The following DECR1 variants were observed in gnomAD, a reference collection of about 807,000 sequenced individuals.
The protein encoded by DECR1 is 2,4-dienoyl-CoA reductase [(3E)-enoyl-CoA-producing], mitochondrial.
Under a neutral mutation model 38.8 loss-of-function variants are expected in DECR1, and 44 were observed. The observed-to-expected ratio is 1.13, with a 90% CI of 0.89 to 1.46. The LOEUF (loss-of-function observed/expected upper bound fraction) is 1.46. Ranked by LOEUF, DECR1 falls within the 40% of genes most tolerant of loss-of-function variation. DECR1 has a pLI of 0.00. For missense variants in DECR1, 428 were observed against 405.5 expected (o/e 1.06, Z -0.48); for synonymous variants, 148 against 135.2 (o/e 1.09, Z -0.66).
In DECR1 at chr8:90,045,659, C is replaced by T. The variant is rs1400804678; in HGVS notation, c.885+664C>T. Among the ~76,000 whole-genome samples the T allele has an allele frequency of 2.6e-5, 4 of 152,216 alleles. No homozygotes were observed. In the East Asian group the frequency reaches 5.8e-4, roughly 22 times the overall value. ...GAAACTTCTGCAGACTTAAATGTCC[C>T]TGTCTGACAGCTTTGAAGAGAGTAG... is the stretch of plus-strand genomic sequence containing the variant. On this transcript the variant is annotated intron_variant, in intron 8 of 9. Coordinates refer to ENST00000220764, the MANE Select transcript of DECR1 (RefSeq NM_001359.2).
At chr8:90,025,154 A>G (rs1342691256) in intron 5 of DECR1, among the ~76,000 whole-genome samples, 2 of 152,092 alleles carry the variant, frequency 1.3e-5, no homozygotes, top group Non-Finnish European at 2.9e-5. Flanking sequence ...GTGAGGTAGT[A>G]TGATGCCTCC....
chr8:90,017,281 C>G lies in DECR1; in HGVS notation c.227C>G (p.Thr76Arg). The change falls in exon 2 of 10, where the codon ACA becomes AGA. Residue 76 changes from threonine (T) to arginine (R), a missense_variant. By Grantham distance (71) the Thr-to-Arg change is moderately conservative. Coordinates refer to ENST00000220764, the MANE Select transcript of DECR1 (RefSeq NM_001359.2). Reference sequence around the variant, plus strand: ...GGTACTGGCCTTGGTAAAGGAATGACAACTCTTCTGTCCAGCCTAGGTGCT... The same window carrying G: ...GGTACTGGCCTTGGTAAAGGAATGAGAACTCTTCTGTCCAGCCTAGGTGCT... Reference protein sequence around the residue: ...GGGTGLGKGMTTLLSSLGAQC... With the variant: ...GGGTGLGKGMRTLLSSLGAQC... The G allele has an allele frequency of 1.2e-6, 2 of 1,614,174 alleles. No homozygotes were observed. The highest frequency in any genetic ancestry group is 1.7e-6 in the Non-Finnish European group (2 of 1,180,032).
intron 2 of DECR1, among the ~76,000 whole-genome samples, chr8:90,017,798 T>G (rs1021443719): frequency 6.6e-6 from 1 of 152,130 alleles, no homozygotes; most frequent in Non-Finnish European, 1.5e-5. Flanking sequence ...GGAGGTTGCT[T>G]TGTCTTCAGT....
At chr8:90,023,604 A>T (rs1051595377) in intron 5 of DECR1, among the ~76,000 whole-genome samples, 1 of 152,100 alleles carries the variant, frequency 6.6e-6, no homozygotes, top group Non-Finnish European at 1.5e-5. Context: ...TTTCCTCCTG[A>T]TGCCAGGAGG....
At chr8:90,012,966 A>G (rs1190434702) in intron 1 of DECR1, among the ~76,000 whole-genome samples, 3 of 152,176 alleles carry the variant, frequency 2.0e-5, no homozygotes, top group Admixed American at 2.0e-4. Context: ...AGTTTTTGGA[A>G]TTGTGAGGGC....
intron 5 of DECR1, among the ~76,000 whole-genome samples, chr8:90,030,091 G>A (rs1813457518): frequency 1.3e-5 from 2 of 152,150 alleles, no homozygotes; most frequent in Non-Finnish European, 2.9e-5. Context: ...TCAGGCATTA[G>A]AGTATCATAA....
intron 1 of DECR1, chr8:90,015,746 C>A (rs954199010): frequency 9.1e-6 from 4 of 440,564 alleles, no homozygotes; most frequent in Non-Finnish European, 1.4e-5. Flanking sequence ...CCTGGTGTGA[C>A]CATTAAGCTT....
chr8:90,045,001 C>G lies in DECR1; in HGVS notation c.885+6C>G. 6.2e-7 allele frequency: 1 copy of G among 1,612,818 alleles called. No homozygotes were observed. Among genetic ancestry groups the G allele is most frequent in the Non-Finnish European group, 8.5e-7 (1 of 1,179,410 alleles). On this transcript the variant is annotated splice_donor_region_variant and intron_variant, in intron 8 of 9. Coordinates refer to ENST00000220764, the MANE Select transcript of DECR1 (RefSeq NM_001359.2). ...CTTCTTGGATTAATGGAGCAGTAAG[C>G]GTTGTTTATTTCTCTTCACTTTTTT...
chr8:90,018,698 G>A (rs1813069966), intron 2 of DECR1: 1 of 480,604 alleles, frequency 2.1e-6, no homozygotes, highest in South Asian at 2.7e-5. Flanking sequence ...AAAGTAAACT[G>A]GTTTAAAAGT....
At position 90,036,919 on chromosome 8, in the gene DECR1, C is replaced by T. The variant is rs778589738; in HGVS notation, c.644C>T (p.Ala215Val). 2 of 1,613,024 alleles carry T rather than the reference C, an allele frequency of 1.2e-6. No homozygotes were observed. The highest frequency in any genetic ancestry group is 1.3e-5 in the African/African-American group (1 of 74,884). Residue 215 changes from alanine to valine, a missense_variant, in exon 6 of 10, where the codon GCA becomes GTA. Ala to Val is a moderately conservative substitution (Grantham distance 64). Coordinates refer to ENST00000220764, the MANE Select transcript of DECR1 (RefSeq NM_001359.2). The stretch of plus-strand genomic sequence containing the variant: ...GTAGTACCAAGTGCTTCTGCCAAAG[C>T]AGGTGTGGAAGCCATGAGCAAGTAA... ...GFVVPSASAK[A>V]GVEAMSKSLA...
At chr8:90,039,681 C>T (rs561588497) in intron 6 of DECR1, among the ~76,000 whole-genome samples, 1 of 152,200 alleles carries the variant, frequency 6.6e-6, no homozygotes, top group Admixed American at 6.5e-5. Context: ...CAGAATGTTA[C>T]CTTTTCAGAG....
In DECR1 at chr8:90,051,740, G is replaced by T. The variant is rs768371218; in HGVS notation, c.948+1G>T. 1 of 1,613,468 alleles carries T rather than the reference G, an allele frequency of 6.2e-7. No homozygotes were observed. ...AGGGGAATTCAACGACCTGAGAAAGGTAATGCTTTTGTGTGTATAATGTAA... is the reference window on the plus strand; with the variant it reads ...AGGGGAATTCAACGACCTGAGAAAGTTAATGCTTTTGTGTGTATAATGTAA... On this transcript the variant is annotated splice_donor_variant, in intron 9 of 9. Coordinates refer to ENST00000220764, the MANE Select transcript of DECR1 (RefSeq NM_001359.2). LOFTEE classifies it high-confidence loss of function.
intron 1 of DECR1, among the ~76,000 whole-genome samples, chr8:90,007,009 G>A (rs911592556): frequency 2.0e-5 from 3 of 152,172 alleles, no homozygotes; most frequent in African/African-American, 7.2e-5. Flanking sequence ...CTCCTCAAGT[G>A]GTATATAGAT....
In DECR1 at chr8:90,051,661, A is replaced by C; in HGVS notation, c.886-16A>C. On this transcript the variant is annotated splice_polypyrimidine_tract_variant and intron_variant, in intron 8 of 9. Transcript: ENST00000220764. ...AAAGGAGTTAGTTTCAGAGTTTAAA[A>C]ATTTGTTTTTTCCAGGTCATTAAAT... The C allele has an allele frequency of 6.2e-7, 1 of 1,608,296 alleles. No individual in the cohort carries two copies.
At chr8:90,006,580 A>G (rs1306909654) in intron 1 of DECR1, among the ~76,000 whole-genome samples, 1 of 152,164 alleles carries the variant, frequency 6.6e-6, no homozygotes, top group South Asian at 2.1e-4. Context: ...GGTGGCCTCA[A>G]CGAGGGCATG....
At chr8:90,005,467 T>G in intron 1 of DECR1, 1 of 456,074 alleles carries the variant, frequency 2.2e-6, no homozygotes. Flanking sequence ...TGAGTAAAGA[T>G]GGAAGCCAAA....
At chr8:90,048,099 G>T (rs929000379) in intron 8 of DECR1, among the ~76,000 whole-genome samples, 28 of 151,914 alleles carry the variant, frequency 1.8e-4, no homozygotes, top group Non-Finnish European at 3.8e-4. Context: ...TCTAAAATGG[G>T]CACCCTAACA....
intron 5 of DECR1, among the ~76,000 whole-genome samples, chr8:90,027,763 A>T (rs1006394810): frequency 6.6e-6 from 1 of 151,378 alleles, no homozygotes; most frequent in Admixed American, 6.6e-5. Flanking sequence ...CTGTGATTAT[A>T]GTTTTTTTTT....
chr8:90,008,246 A>G (rs1385671021), intron 1 of DECR1, among the ~76,000 whole-genome samples: 1 of 152,202 alleles, frequency 6.6e-6, no homozygotes, highest in Non-Finnish European at 1.5e-5. Flanking sequence ...GCAGCCACTT[A>G]AAACTAGAAC....
Sources: allele counts gnomAD v4.1 joint callset (sites outside exome capture counted in the v4.1 genomes callset), GRCh38; gene constraint gnomAD v4.1.1; transcripts MANE v1.5; gene names NCBI Gene and HGNC (gene_info 2026-07-23, HGNC 2026-07-21).